Variants in CACNA1D observed in about 807,000 individuals in gnomAD.
CACNA1D encodes the protein calcium voltage-gated channel subunit alpha1 D, also known as voltage-dependent L-type calcium channel subunit alpha-1D.
CACNA1D carries 55 observed loss-of-function variants against 257.1 expected under a neutral mutation model. That is an observed-to-expected ratio of 0.21 (90% CI 0.17 to 0.27). The LOEUF is 0.27. CACNA1D is among the 10% of genes least tolerant of loss of function. CACNA1D has a pLI of 1.00. For missense variants in CACNA1D, 1,876 were observed against 2,784.0 expected, an observed-to-expected ratio of 0.67 and a Z score of 7.34; for synonymous variants, 980 against 1,014.9, an observed-to-expected ratio of 0.97 and a Z score of 0.65.
chr3:53,553,750 C>T (rs1656229074), intron 3 of CACNA1D, among the ~76,000 whole-genome samples: 5 of 151,930 alleles, frequency 3.3e-5, no homozygotes, highest in Admixed American at 3.3e-4. Context: ...TAGCCCTATA[C>T]AGTCAACAGA....
chr3:53,678,268 C>G (rs1385156790), intron 8 of CACNA1D, among the ~76,000 whole-genome samples: 2 of 152,086 alleles, frequency 1.3e-5, no homozygotes, highest in Admixed American at 1.3e-4. Flanking sequence ...TTGGTTTTGG[C>G]AACAACTTAT....
intron 8 of CACNA1D, among the ~76,000 whole-genome samples, chr3:53,698,587 A>T (rs2094593097): frequency 6.6e-6 from 1 of 152,120 alleles, no homozygotes; most frequent in African/African-American, 2.4e-5. Flanking sequence ...ATCCTTACTG[A>T]CTTAATTTTT....
chr3:53,617,955 C>T (rs933406369), intron 3 of CACNA1D, among the ~76,000 whole-genome samples: 1 of 152,122 alleles, frequency 6.6e-6, no homozygotes, highest in Admixed American at 6.5e-5. Flanking sequence ...AGGCCAAGCC[C>T]AGGTATGTTT....
At chr3:53,739,785 T>C (rs2108809394) in intron 20 of CACNA1D, among the ~76,000 whole-genome samples, 1 of 152,288 alleles carries the variant, frequency 6.6e-6, no homozygotes, top group Non-Finnish European at 1.5e-5. Flanking sequence ...CAGGCTGGAA[T>C]GCGAGGGGGC....
chr3:53,747,229 GT>G, intron 25 of CACNA1D, 72 bp from the exon 26 acceptor site: 2 of 1,326,652 alleles, frequency 1.5e-6, no homozygotes, highest in Non-Finnish European at 2.2e-6. Context: ...GATTGGGGCA[GT>G]GTGTCCAACT....
intron 9 of CACNA1D, among the ~76,000 whole-genome samples, chr3:53,711,228 A>G (rs1267723698): frequency 6.6e-6 from 1 of 152,248 alleles, no homozygotes; most frequent in Non-Finnish European, 1.5e-5. Context: ...CCTGGGTAAC[A>G]GAGTGCGATC....
chr3:53,685,691 G>A (rs2094468230), intron 8 of CACNA1D, among the ~76,000 whole-genome samples: 1 of 152,022 alleles, frequency 6.6e-6, no homozygotes, highest in African/African-American at 2.4e-5. Context: ...CAAATGTTTG[G>A]AAATTAAATA....
chr3:53,748,268 T>G (rs2095190576), intron 26 of CACNA1D, among the ~76,000 whole-genome samples: 1 of 152,208 alleles, frequency 6.6e-6, no homozygotes, highest in Non-Finnish European at 1.5e-5. Context: ...CAAACACACC[T>G]AGAGTCCTGG....
At position 53,747,161 on chromosome 3, in the gene CACNA1D, G is replaced by A. The variant is rs2095177743; in HGVS notation, c.3168-141G>A. 4 of 764,976 alleles carry A rather than the reference G, an allele frequency of 5.2e-6. No homozygotes were observed. In the East Asian group the frequency reaches 9.8e-5, roughly 19 times the overall value. The allele number at this position is 764,976 out of a possible 1,614,324, so 47.4% of individuals were successfully genotyped here. ...GGCGAGGAGAGGAGAAACGGCGCCG[G>A]TGTTATGCTCAGCTGTGTGACAGGC... On this transcript the variant is annotated intron_variant, in intron 25 of 47. Transcript: ENST00000350061.
intron 29 of CACNA1D, among the ~76,000 whole-genome samples, chr3:53,754,351 A>G (rs1277143423): frequency 2.6e-5 from 4 of 152,174 alleles, no homozygotes; most frequent in Non-Finnish European, 4.4e-5. Flanking sequence ...AGTGTAGTTC[A>G]GTGTCAAATT....
intron 8 of CACNA1D, among the ~76,000 whole-genome samples, chr3:53,698,460 A>G (rs980985624): frequency 2.6e-5 from 4 of 152,234 alleles, no homozygotes; most frequent in Non-Finnish European, 5.9e-5. Flanking sequence ...TCAAATATTC[A>G]TGAGCTATTT....
chr3:53,622,827 A>G (rs1416106116), intron 3 of CACNA1D, among the ~76,000 whole-genome samples: 1 of 152,142 alleles, frequency 6.6e-6, no homozygotes, highest in Non-Finnish European at 1.5e-5. Flanking sequence ...ATGGAATGCT[A>G]CTCAGCAAGA....
intron 3 of CACNA1D, among the ~76,000 whole-genome samples, chr3:53,614,008 T>C (rs1403887532): frequency 6.6e-6 from 1 of 150,886 alleles, no homozygotes; most frequent in Non-Finnish European, 1.5e-5. Context: ...GATAATAAGA[T>C]ACAGCTAGGT....
intron 22 of CACNA1D, among the ~76,000 whole-genome samples, chr3:53,744,140 C>T (rs997386474): frequency 2.0e-4 from 31 of 151,998 alleles, no homozygotes; most frequent in African/African-American, 7.5e-4. Flanking sequence ...ACACTGGAGC[C>T]CCCCTCCCTA....
chr3:53,593,676 G>A (rs1197318255), intron 3 of CACNA1D, among the ~76,000 whole-genome samples: 1 of 152,172 alleles, frequency 6.6e-6, no homozygotes, highest in Non-Finnish European at 1.5e-5. Flanking sequence ...AAAGGGCAGT[G>A]GGTATTCTTC....
intron 45 of CACNA1D, chr3:53,807,514 G>T (rs2106870131): frequency 6.6e-6 from 1 of 152,490 alleles, no homozygotes; most frequent in African/African-American, 2.4e-5. Context: ...ATAGCGGAAT[G>T]AGGGGCATGT....
chr3:53,566,555 C>T (rs2092843089), intron 3 of CACNA1D, among the ~76,000 whole-genome samples: 1 of 152,138 alleles, frequency 6.6e-6, no homozygotes, highest in Non-Finnish European at 1.5e-5. Flanking sequence ...GCTTCCCCTC[C>T]CCACACACTA....
chr3:53,500,713 A>G (rs952067265), intron 2 of CACNA1D, among the ~76,000 whole-genome samples: 6 of 152,226 alleles, frequency 3.9e-5, no homozygotes, highest in African/African-American at 1.2e-4. Context: ...AAGAAGAAAA[A>G]CAATCATTTT....
At chr3:53,761,192 G>C (rs1185627958) in intron 29 of CACNA1D, among the ~76,000 whole-genome samples, 1 of 152,184 alleles carries the variant, frequency 6.6e-6, no homozygotes, top group Non-Finnish European at 1.5e-5. Context: ...CCTAGAGGGT[G>C]AAAAGTGGGA....
Sources: allele counts gnomAD v4.1 joint callset (sites outside exome capture counted in the v4.1 genomes callset), GRCh38; gene constraint gnomAD v4.1.1; transcripts MANE v1.5; gene names NCBI Gene and HGNC (gene_info 2026-07-23, HGNC 2026-07-21).